The following PTK2 variants were observed in gnomAD, a reference collection of about 807,000 sequenced individuals.
PTK2 encodes the protein protein tyrosine kinase 2.
A neutral mutation model predicts 150.1 loss-of-function variants in PTK2; 45 were observed. The observed-to-expected ratio is 0.30, with a 90% CI of 0.24 to 0.38. The LOEUF is 0.38. PTK2 is among the 10% of genes least tolerant of loss of function. The pLI is 1.00. For missense variants in PTK2, 919 were observed against 1,307.3 expected, an observed-to-expected ratio of 0.70 and a Z score of 4.58; for synonymous variants, 432 against 449.2, an observed-to-expected ratio of 0.96 and a Z score of 0.48.
intron 5 of PTK2, among the ~76,000 whole-genome samples, chr8:140,851,295 A>G (rs773515851): frequency 2.2e-4 from 34 of 152,258 alleles, no homozygotes; most frequent in Admixed American, 1.3e-3. Context: ...TATACTTTTA[A>G]ACAGTTCAAT....
chr8:140,751,561 G>A (rs992977214), intron 17 of PTK2, among the ~76,000 whole-genome samples: 5 of 151,306 alleles, frequency 3.3e-5, no homozygotes, highest in East Asian at 1.9e-4. Context: ...TTGCTATCTC[G>A]GCTTACTGCA....
At chr8:140,798,560 CA>C (rs1566607170) in intron 12 of PTK2, among the ~76,000 whole-genome samples, 1 of 151,942 alleles carries the variant, frequency 6.6e-6, no homozygotes, top group Admixed American at 6.6e-5. Context: ...CCCTAGAGAG[CA>C]AAAAACGCTA....
At chr8:140,790,799 C>A (rs988084155) in intron 13 of PTK2, among the ~76,000 whole-genome samples, 1 of 152,176 alleles carries the variant, frequency 6.6e-6, no homozygotes, top group African/African-American at 2.4e-5. Context: ...TCATTACTTT[C>A]TCTTCCATTG....
intron 20 of PTK2, among the ~76,000 whole-genome samples, chr8:140,741,633 TAAGA>T (rs1331816066): frequency 1.3e-5 from 2 of 152,142 alleles, no homozygotes; most frequent in Non-Finnish European, 2.9e-5. Flanking sequence ...TCAAATACCC[TAAGA>T]AAGAAACTGG....
intron 4 of PTK2, among the ~76,000 whole-genome samples, chr8:140,877,605 A>G (rs1316561992): frequency 6.6e-6 from 1 of 152,110 alleles, no homozygotes; most frequent in Non-Finnish European, 1.5e-5. Flanking sequence ...CAGCATACAG[A>G]TGGCAGAGTC....
intron 2 of PTK2, among the ~76,000 whole-genome samples, chr8:140,903,894 G>A (rs1052740682): frequency 6.6e-6 from 1 of 152,074 alleles, no homozygotes; most frequent in Admixed American, 6.5e-5. Flanking sequence ...GGAGATTTTG[G>A]GCTAAGATGA....
intron 1 of PTK2, among the ~76,000 whole-genome samples, chr8:140,982,612 A>G: frequency 6.6e-6 from 1 of 152,188 alleles, no homozygotes; most frequent in Non-Finnish European, 1.5e-5. Context: ...AAAAAGAAAG[A>G]AAGAAAGACA....
In PTK2 at chr8:140,877,181, C is replaced by T. The variant is rs574408226; in HGVS notation, c.362+2290G>A. 1.6e-4 allele frequency among the ~76,000 whole-genome samples: 24 copies of T among 151,826 alleles called. No homozygotes were observed. The South Asian group carries it at 3.8e-3, about 24-fold the overall frequency. On this transcript the variant is annotated intron_variant, in intron 4 of 31. Transcript: ENST00000522684. ...CAATGTAGCTGGGAGTACAGGCACC[C>T]GCCACCACGCCTGGCTAATTTTTGT... is the stretch of plus-strand genomic sequence containing the variant.
chr8:140,900,217 G>T (rs1284058411), intron 2 of PTK2, among the ~76,000 whole-genome samples: 1 of 152,170 alleles, frequency 6.6e-6, no homozygotes, highest in African/African-American at 2.4e-5. Flanking sequence ...AAAGCTTTAA[G>T]AACTGATAAA....
chr8:140,765,680 C>T (rs771720879), intron 14 of PTK2, among the ~76,000 whole-genome samples: 2 of 152,102 alleles, frequency 1.3e-5, no homozygotes, highest in African/African-American at 2.4e-5. Context: ...TGTATTCTCC[C>T]TCTTAATCTG....
At chr8:140,944,087 T>C (rs192441523) in intron 1 of PTK2, among the ~76,000 whole-genome samples, 83 of 152,272 alleles carry the variant, frequency 5.5e-4, no homozygotes, top group African/African-American at 1.6e-3. Context: ...CAAAGACGGA[T>C]TGAAAGAAAA....
intron 23 of PTK2, among the ~76,000 whole-genome samples, chr8:140,710,970 C>T (rs2100036504): frequency 6.6e-6 from 1 of 152,326 alleles, no homozygotes; most frequent in African/African-American, 2.4e-5. Flanking sequence ...GACAGTCACG[C>T]TCTGTCGCCT....
chr8:140,747,453 AGAG>A (rs1183125553), intron 17 of PTK2, among the ~76,000 whole-genome samples: 12 of 33,866 alleles, frequency 3.5e-4, no homozygotes, highest in South Asian at 1.9e-3. Context: ...GGGGGGGGGA[AGAG>A]GAGGAGGAGG....
intron 28 of PTK2, among the ~76,000 whole-genome samples, 197 bp from the exon 32 acceptor site, chr8:140,674,601 T>TTTTTG (rs1313000523): frequency 1.3e-5 from 2 of 151,432 alleles, no homozygotes; most frequent in Non-Finnish European, 2.9e-5. Context: ...TAGCCGGGTG[T>TTTTTG]GGTGGCACAT....
chr8:140,761,531 G>C, intron 15 of PTK2, among the ~76,000 whole-genome samples: 1 of 152,028 alleles, frequency 6.6e-6, no homozygotes, highest in East Asian at 1.9e-4. Flanking sequence ...TTAAATTTCC[G>C]ATTTATTTTA....
chr8:141,000,882 C>T (rs1246060268), intron 1 of PTK2: 1 of 151,618 alleles, frequency 6.6e-6, no homozygotes, highest in Non-Finnish European at 1.5e-5. Flanking sequence ...CCCCTGACCT[C>T]CTTAAGCCTC....
In PTK2 at chr8:140,895,354, A is replaced by G. The variant is rs372903178; in HGVS notation, c.-32-4585T>C. ...ACCTGCCTGGGCTTGTGAGACCCCT[A>G]CAAAATAATTTAAAAAAATCAGCTG... On this transcript the variant is annotated intron_variant, in intron 2 of 31. Coordinates refer to ENST00000522684, the Ensembl canonical transcript of PTK2. 1.1e-3 allele frequency among the ~76,000 whole-genome samples: 164 copies of G among 152,034 alleles called. 3 individuals are homozygous for G. The South Asian group carries it at 0.033, about 31-fold the overall frequency.
intron 1 of PTK2, among the ~76,000 whole-genome samples, chr8:140,989,676 A>G (rs1455409239): frequency 6.6e-6 from 1 of 152,150 alleles, no homozygotes; most frequent in East Asian, 1.9e-4. Flanking sequence ...TGGGAGGCCG[A>G]GGCGGGCGGA....
intron 2 of PTK2, among the ~76,000 whole-genome samples, chr8:140,897,248 T>C (rs1463261099): frequency 6.6e-6 from 1 of 152,084 alleles, no homozygotes; most frequent in African/African-American, 2.4e-5. Flanking sequence ...CATAAATAGG[T>C]CTTCAAAAAA....
Sources: gnomAD v4.1 joint callset for allele counts (sites outside exome capture counted in the v4.1 genomes callset) on GRCh38, gnomAD v4.1.1 for gene constraint, MANE v1.5 for transcripts, NCBI Gene and HGNC (gene_info 2026-07-23, HGNC 2026-07-21) for gene names.